Variants in ANO3 observed in about 807,000 individuals in gnomAD.
The protein encoded by ANO3 is anoctamin 3, also known as anoctamin-3.
Under a neutral mutation model 144.8 loss-of-function variants are expected in ANO3, and 99 were observed. That is an observed-to-expected ratio of 0.68 (90% CI 0.58 to 0.81). The LOEUF (loss-of-function observed/expected upper bound fraction) is 0.81. Among genes scored for constraint, ANO3 ranks in the 30% least tolerant of loss-of-function variants. ANO3 has a pLI of 0.00. For missense variants in ANO3, 905 were observed against 1,202.2 expected (o/e 0.75, Z 3.66); for synonymous variants, 414 against 392.6 (o/e 1.05, Z -0.64).
rs563449367 is a variant in ANO3 at position 26,434,908 on chromosome 11, G to A, written c.47-7010G>A. ...AGAATGTACATTCTGTTGTTTTGGG[G>A]TGGAGAGTTCTGTAAAGATCTGTCA... is the stretch of plus-strand genomic sequence containing the variant. On this transcript the variant is annotated intron_variant, in intron 1 of 26. Transcript: ENST00000256737. 2.6e-4 allele frequency among the ~76,000 whole-genome samples: 40 copies of A among 152,248 alleles called. No individual in the cohort carries two copies. In the South Asian group the frequency reaches 8.3e-3, roughly 32 times the overall value.
intron 1 of ANO3, among the ~76,000 whole-genome samples, chr11:26,438,954 C>T (rs2134019646): frequency 6.6e-6 from 1 of 152,238 alleles, no homozygotes; most frequent in East Asian, 1.9e-4. Context: ...AGCTACAATG[C>T]TAAAGACGTT....
intron 13 of ANO3, among the ~76,000 whole-genome samples, chr11:26,556,021 A>G (rs947346392): frequency 2.0e-5 from 3 of 152,188 alleles, no homozygotes; most frequent in African/African-American, 4.8e-5. Flanking sequence ...TATTCCCTTT[A>G]TAATTTCAGT....
At chr11:26,458,273 T>G (rs909377288) in intron 3 of ANO3, among the ~76,000 whole-genome samples, 1 of 152,094 alleles carries the variant, frequency 6.6e-6, no homozygotes, top group Non-Finnish European at 1.5e-5. Flanking sequence ...GCAGAATAAT[T>G]AGCTTCATTA....
At chr11:26,540,621 C>A (rs1340573302) in intron 10 of ANO3, among the ~76,000 whole-genome samples, 1 of 152,032 alleles carries the variant, frequency 6.6e-6, no homozygotes, top group African/African-American at 2.4e-5. Flanking sequence ...ATAACCCCAT[C>A]AAAAAGTGGG....
intron 24 of ANO3, among the ~76,000 whole-genome samples, chr11:26,650,306 T>C (rs1853488545): frequency 6.6e-6 from 1 of 152,176 alleles, no homozygotes; most frequent in South Asian, 2.1e-4. Context: ...TGTTCTAGTA[T>C]GGACAACGAA....
intron 1 of ANO3, among the ~76,000 whole-genome samples, chr11:26,199,241 C>T (rs779446822): frequency 7.9e-5 from 12 of 152,018 alleles, no homozygotes; most frequent in Non-Finnish European, 1.3e-4. Flanking sequence ...ACTCCATATC[C>T]TTTTGCAGCT....
intron 1 of ANO3, among the ~76,000 whole-genome samples, chr11:26,266,384 C>T (rs1416264922): frequency 6.6e-6 from 1 of 151,638 alleles, no homozygotes; most frequent in Non-Finnish European, 1.5e-5. Flanking sequence ...TTAGCTCTCA[C>T]AGAGGTTAAA....
chr11:26,639,806 G>C (rs1256562922), intron 21 of ANO3, among the ~76,000 whole-genome samples: 2 of 152,090 alleles, frequency 1.3e-5, no homozygotes, highest in Admixed American at 1.3e-4. Context: ...TGCTTACAGA[G>C]GTGTTGAATG....
chr11:26,599,067 A>G (rs1851721467), intron 16 of ANO3, 69 bp downstream of exon 16: 7 of 1,507,394 alleles, frequency 4.6e-6, no homozygotes, highest in East Asian at 4.5e-5. Context: ...AATGATACCA[A>G]CTCATTTTGT....
intron 1 of ANO3, among the ~76,000 whole-genome samples, chr11:26,430,756 A>G (rs1858062531): frequency 6.6e-6 from 1 of 152,232 alleles, no homozygotes; most frequent in African/African-American, 2.4e-5. Context: ...GATATACAAA[A>G]TAAGAAATGA....
intron 17 of ANO3, among the ~76,000 whole-genome samples, chr11:26,610,555 T>G (rs1213799307): frequency 6.6e-6 from 1 of 152,142 alleles, no homozygotes; most frequent in African/African-American, 2.4e-5. Context: ...ATTTTTCATT[T>G]TGTTTCCTGT....
At chr11:26,418,020 A>G (rs969508601) in intron 1 of ANO3, among the ~76,000 whole-genome samples, 8 of 152,144 alleles carry the variant, frequency 5.3e-5, no homozygotes, top group African/African-American at 1.9e-4. Context: ...TAGCATTAGT[A>G]AAATAAATTT....
intron 2 of ANO3, 88 bp from the exon 3 acceptor site, chr11:26,443,677 C>A: frequency 1.7e-6 from 1 of 602,624 alleles, no homozygotes; most frequent in Non-Finnish European, 2.8e-6. Flanking sequence ...TCATGTTTGG[C>A]CATCATTTGT....
rs534845921 is a variant in ANO3, at chr11:26,210,595, T to C, written c.154+21265T>C. Reference sequence around the variant, plus strand: ...GGGCAGTATGGCCATTTTCATGACATTGGTTCTTCCTATCCATGAGCATGG... The same window carrying C: ...GGGCAGTATGGCCATTTTCATGACACTGGTTCTTCCTATCCATGAGCATGG... On this transcript the variant is annotated intron_variant, in intron 1 of 27. Coordinates refer to the ANO3 transcript ENST00000672621. 1.4e-4 allele frequency among the ~76,000 whole-genome samples: 21 copies of C among 152,272 alleles called. No homozygotes were observed. The South Asian group carries it at 1.7e-3, about 12-fold the overall frequency.
intron 14 of ANO3, among the ~76,000 whole-genome samples, chr11:26,597,704 T>C (rs969915305): frequency 2.2e-4 from 33 of 152,154 alleles, no homozygotes; most frequent in African/African-American, 2.4e-5. Flanking sequence ...AAAACATATA[T>C]GTGAGTTCTT....
At chr11:26,408,518 C>G (rs1173870746) in intron 1 of ANO3, among the ~76,000 whole-genome samples, 1 of 148,562 alleles carries the variant, frequency 6.7e-6, no homozygotes, top group Non-Finnish European at 1.5e-5. Context: ...CACTTTTACA[C>G]TGTTGGTGGG....
chr11:26,351,395 A>G (rs1227619476), intron 1 of ANO3, among the ~76,000 whole-genome samples: 1 of 151,996 alleles, frequency 6.6e-6, no homozygotes, highest in East Asian at 1.9e-4. Flanking sequence ...TCCTGTCTAT[A>G]TTTTATTTTT....
At chr11:26,647,433 C>T (rs1366244940) in intron 23 of ANO3, among the ~76,000 whole-genome samples, 1 of 152,158 alleles carries the variant, frequency 6.6e-6, no homozygotes, top group Non-Finnish European at 1.5e-5. Flanking sequence ...TCTTGTGCAC[C>T]TGTGCACCTG....
chr11:26,385,981 A>G (rs575781733), intron 1 of ANO3, among the ~76,000 whole-genome samples: 77 of 152,138 alleles, frequency 5.1e-4, no homozygotes, highest in African/African-American at 1.8e-3. Flanking sequence ...GAGAGAACCT[A>G]GAAACAAGAT....
Sources: allele counts gnomAD v4.1 joint callset (sites outside exome capture counted in the v4.1 genomes callset), GRCh38; gene constraint gnomAD v4.1.1; transcripts MANE v1.5; gene names NCBI Gene and HGNC (gene_info 2026-07-23, HGNC 2026-07-21).